COG5: variants seen among roughly 807,000 people sequenced by gnomAD.
COG5 encodes the protein component of oligomeric golgi complex 5.
COG5 carries 86 observed loss-of-function variants against 110.4 expected under a neutral mutation model. That is an observed-to-expected ratio of 0.78 (90% CI 0.65 to 0.93). The LOEUF is 0.93. COG5 is among the 40% of genes least tolerant of loss of function. The pLI is 0.00. For synonymous variants in COG5, 360 were observed against 334.6 expected, an observed-to-expected ratio of 1.08 and a Z score of -0.83; for missense variants, 1,077 against 987.0, an observed-to-expected ratio of 1.09 and a Z score of -1.22.
At chr7:107,390,220 T>G (rs1459172383) in intron 7 of COG5, among the ~76,000 whole-genome samples, 1 of 152,112 alleles carries the variant, frequency 6.6e-6, no homozygotes, top group Non-Finnish European at 1.5e-5. Flanking sequence ...CTTATGGCCT[T>G]TATAGTCTCA....
intron 6 of COG5, among the ~76,000 whole-genome samples, chr7:107,477,755 A>G (rs1370335122): frequency 2.0e-5 from 3 of 151,934 alleles, no homozygotes; most frequent in East Asian, 3.8e-4. Context: ...AGTCACAACT[A>G]TGTTTCCAAC....
At chr7:107,508,248 G>T (rs113935452) in intron 6 of COG5, among the ~76,000 whole-genome samples, 1 of 152,192 alleles carries the variant, frequency 6.6e-6, no homozygotes, top group Non-Finnish European at 1.5e-5. Context: ...CACCTGGCTC[G>T]GAGGGTCCTA....
chr7:107,428,878 A>G (rs1021077744), intron 6 of COG5, among the ~76,000 whole-genome samples: 21 of 152,316 alleles, frequency 1.4e-4, no homozygotes, highest in African/African-American at 4.8e-4. Flanking sequence ...TCTTAGCTCA[A>G]GAGCTCTTGA....
At chr7:107,286,831 T>G (rs1210493455) in intron 12 of COG5, among the ~76,000 whole-genome samples, 2 of 152,152 alleles carry the variant, frequency 1.3e-5, no homozygotes, top group Non-Finnish European at 2.9e-5. Context: ...TTAATCTATC[T>G]CTTCTTATCC....
intron 17 of COG5, among the ~76,000 whole-genome samples, chr7:107,240,193 G>A (rs566414127): frequency 6.6e-6 from 1 of 152,238 alleles, no homozygotes; most frequent in South Asian, 2.1e-4. Flanking sequence ...AAGAAACCAT[G>A]TTGATGATTA....
intron 14 of COG5, 69 bp downstream of exon 14, chr7:107,281,231 G>T: frequency 1.0e-6 from 1 of 993,098 alleles, no homozygotes; most frequent in Non-Finnish European, 1.6e-6. Context: ...TTTATGATTA[G>T]TCAAGTATTA....
In COG5 at chr7:107,210,588, G is replaced by C; in HGVS notation, c.2313C>G (p.His771Gln). 1 of 1,603,694 alleles carries C rather than the reference G, an allele frequency of 6.2e-7. No homozygotes were observed. Among genetic ancestry groups the C allele is most frequent in the Non-Finnish European group, 8.5e-7 (1 of 1,175,036 alleles). Reference protein sequence around the residue: ...KSPFQRAEWSHTRFSQWLDDH... With the variant: ...KSPFQRAEWSQTRFSQWLDDH... The stretch of plus-strand genomic sequence containing the variant: ...CATCCAGCCACTGAGAGAAGCGTGT[G>C]TGGGACCACTCTGCCCTCTGCAGGG... Residue 771 changes from histidine to glutamine, a missense_variant, in exon 21 of 22, where the codon CAC becomes CAG. Physicochemically the swap from His to Gln is conservative, Grantham distance 24. Coordinates refer to ENST00000297135, the MANE Select transcript of COG5 (RefSeq NM_006348.5).
At chr7:107,288,711 G>C (rs908739927) in intron 12 of COG5, among the ~76,000 whole-genome samples, 16 of 151,720 alleles carry the variant, frequency 1.1e-4, no homozygotes, top group African/African-American at 3.9e-4. Flanking sequence ...TCAATTGCCA[G>C]ATCTATGAGT....
Position 107,548,198 on chromosome 7 carries a change from A to AG in COG5, c.348-19dup. Reference sequence around the variant, plus strand: ...CTTTTATCCTACAGGAAAAGAGAGGAGTGAGAATAAAATCATTTTCAGAAT... The same window carrying AG: ...CTTTTATCCTACAGGAAAAGAGAGGAGGTGAGAATAAAATCATTTTCAGAAT... On this transcript the variant is annotated intron_variant, in intron 4 of 21. Coordinates refer to ENST00000297135, the MANE Select transcript of COG5 (RefSeq NM_006348.5). 6.2e-7 allele frequency: 1 copy of AG among 1,610,376 alleles called. No individual in the cohort carries two copies. The highest frequency in any genetic ancestry group is 1.3e-5 in the African/African-American group (1 of 74,968).
intron 6 of COG5, among the ~76,000 whole-genome samples, chr7:107,514,096 G>A (rs1799744139): frequency 6.6e-6 from 1 of 151,820 alleles, no homozygotes; most frequent in Admixed American, 6.6e-5. Flanking sequence ...ATGACACGTG[G>A]TGTTAATATA....
chr7:107,364,310 G>GT (rs1434354587), intron 8 of COG5, among the ~76,000 whole-genome samples: 1 of 152,146 alleles, frequency 6.6e-6, no homozygotes, highest in Non-Finnish European at 1.5e-5. Context: ...CAGTGGTGCT[G>GT]TTTTTTATTA....
chr7:107,340,254 G>A (rs544149454), intron 10 of COG5, among the ~76,000 whole-genome samples: 63 of 152,050 alleles, frequency 4.1e-4, no homozygotes, highest in Admixed American at 5.9e-4. Flanking sequence ...ATCTCTATGC[G>A]TACAAACTAG....
chr7:107,487,615 T>A (rs969706770), intron 6 of COG5, among the ~76,000 whole-genome samples: 1 of 151,906 alleles, frequency 6.6e-6, no homozygotes. Context: ...ACCTCAAACA[T>A]GACCTTTGAC....
intron 14 of COG5, among the ~76,000 whole-genome samples, chr7:107,278,648 C>T (rs1332095586): frequency 6.6e-6 from 1 of 152,182 alleles, no homozygotes; most frequent in Non-Finnish European, 1.5e-5. Flanking sequence ...CTACAACCAT[C>T]TGATCTTTCA....
In COG5 at chr7:107,210,602, C is replaced by A. The variant is rs184760203; in HGVS notation, c.2299G>T (p.Ala767Ser). ...GAGAAGCGTGTGTGGGACCACTCTG[C>A]CCTCTGCAGGGTTGAAACACAATTA... Reference protein sequence around the residue: ...PAELKSPFQRAEWSHTRFSQW... With the variant: ...PAELKSPFQRSEWSHTRFSQW... Residue 767 changes from alanine to serine, a missense_variant, in exon 21 of 22, where the codon GCA becomes TCA. Physicochemically the swap from Ala to Ser is moderately conservative, Grantham distance 99. Transcript: ENST00000297135. 2.1e-5 allele frequency: 34 copies of A among 1,599,552 alleles called. No homozygotes were observed. The African/African-American group carries it at 4.3e-4, about 20-fold the overall frequency.
chr7:107,468,259 A>C (rs1796420949), intron 6 of COG5, among the ~76,000 whole-genome samples: 1 of 152,124 alleles, frequency 6.6e-6, no homozygotes. Flanking sequence ...TGTTTCTTCT[A>C]CTTCATGGGG....
chr7:107,231,157 AC>A (rs1399422105), intron 18 of COG5, among the ~76,000 whole-genome samples: 1 of 152,150 alleles, frequency 6.6e-6, no homozygotes, highest in Non-Finnish European at 1.5e-5. Context: ...GATACTAGTT[AC>A]TAGTTTGTGA....
At position 107,284,559 on chromosome 7, in the gene COG5, A is replaced by G. The variant is rs1584620160; in HGVS notation, c.1314-827T>C. ...TACTAACAAGAGTGAGACAAAATAA[A>G]AAGTATTTATGGAAGTCCTAAAATC... On this transcript the variant is annotated intron_variant, in intron 12 of 21. Transcript: ENST00000297135. Among the ~76,000 whole-genome samples the G allele has an allele frequency of 2.0e-5, 3 of 152,320 alleles. No individual in the cohort carries two copies. In the East Asian group the frequency reaches 5.8e-4, roughly 29 times the overall value.
chr7:107,486,530 A>C (rs1003512508), intron 6 of COG5, among the ~76,000 whole-genome samples: 2 of 152,202 alleles, frequency 1.3e-5, no homozygotes, highest in Non-Finnish European at 2.9e-5. Context: ...AAAAAATGCC[A>C]GTGGAAAATG....
Sources: allele counts gnomAD v4.1 joint callset (sites outside exome capture counted in the v4.1 genomes callset), GRCh38; gene constraint gnomAD v4.1.1; transcripts MANE v1.5; gene names NCBI Gene and HGNC (gene_info 2026-07-23, HGNC 2026-07-21).